Variants in MYO1D observed in about 807,000 individuals in gnomAD.
The protein encoded by MYO1D is myosin ID.
MYO1D carries 83 observed loss-of-function variants against 122.0 expected under a neutral mutation model. The ratio of observed to expected loss-of-function variants is 0.68; its 90% confidence interval spans 0.57 to 0.82. MYO1D has a LOEUF of 0.82. Ranked by LOEUF, MYO1D falls within the 40% of genes least tolerant of loss-of-function variation. MYO1D has a pLI of 0.00. For missense variants in MYO1D, 1,157 were observed against 1,269.5 expected (o/e 0.91, Z 1.35); for synonymous variants, 464 against 446.9 (o/e 1.04, Z -0.48).
intron 16 of MYO1D, among the ~76,000 whole-genome samples, chr17:32,692,259 A>G (rs2089113048): frequency 6.6e-6 from 1 of 152,240 alleles, no homozygotes; most frequent in Non-Finnish European, 1.5e-5. Context: ...AAAGAATATG[A>G]GCAATTTTTG....
intron 20 of MYO1D, among the ~76,000 whole-genome samples, chr17:32,616,422 C>T (rs894186406): frequency 1.3e-5 from 2 of 152,012 alleles, no homozygotes; most frequent in Non-Finnish European, 2.9e-5. Flanking sequence ...AGTCCTCTGC[C>T]TCAGCCTCCC....
intron 1 of MYO1D, among the ~76,000 whole-genome samples, chr17:32,870,740 A>G (rs2091171760): frequency 1.3e-5 from 2 of 151,940 alleles, no homozygotes; most frequent in South Asian, 4.1e-4. Context: ...CAGAAAACGC[A>G]AAAGGATTAA....
intron 16 of MYO1D, 67 bp downstream of exon 16, chr17:32,711,921 A>G: frequency 2.3e-6 from 3 of 1,300,390 alleles, no homozygotes; most frequent in Non-Finnish European, 3.2e-6. Flanking sequence ...AATTAAAGAA[A>G]ATATGCAACA....
intron 21 of MYO1D, among the ~76,000 whole-genome samples, chr17:32,543,255 A>G (rs920453880): frequency 2.0e-5 from 3 of 148,194 alleles, no homozygotes; most frequent in Non-Finnish European, 4.4e-5. Flanking sequence ...AACAAATTAC[A>G]TATCTGATTA....
At chr17:32,508,808 G>T (rs1239777446) in intron 21 of MYO1D, among the ~76,000 whole-genome samples, 1 of 152,192 alleles carries the variant, frequency 6.6e-6, no homozygotes, top group African/African-American at 2.4e-5. Flanking sequence ...CATAGTCCAA[G>T]TCTTAACCTC....
intron 21 of MYO1D, among the ~76,000 whole-genome samples, chr17:32,600,671 G>C (rs981730759): frequency 6.6e-6 from 1 of 151,994 alleles, no homozygotes. Flanking sequence ...ATTTAAGAGA[G>C]TTTAGGGCCT....
intron 16 of MYO1D, among the ~76,000 whole-genome samples, chr17:32,681,185 C>T (rs28765242): frequency 6.6e-6 from 1 of 151,234 alleles, no homozygotes; most frequent in African/African-American, 2.4e-5. Context: ...AATTTTGTTG[C>T]TCTTTTCAAA....
chr17:32,866,465 C>A (rs531663678), intron 1 of MYO1D, among the ~76,000 whole-genome samples: 2 of 152,294 alleles, frequency 1.3e-5, no homozygotes, highest in African/African-American at 4.8e-5. Context: ...AGTTCTCTAT[C>A]CCAGGTCTGC....
At chr17:32,669,929 A>G (rs568994730) in intron 16 of MYO1D, among the ~76,000 whole-genome samples, 79 of 149,690 alleles carry the variant, frequency 5.3e-4, no homozygotes, top group Non-Finnish European at 8.3e-4. Context: ...GTCTCACTCT[A>G]TCACCCAGGC....
intron 16 of MYO1D, among the ~76,000 whole-genome samples, chr17:32,695,623 G>A (rs2089162045): frequency 6.6e-6 from 1 of 152,182 alleles, no homozygotes; most frequent in African/African-American, 2.4e-5. Flanking sequence ...CTACAACAAT[G>A]TAACAAATAC....
chr17:32,555,911 T>C (rs1233136007), intron 21 of MYO1D, among the ~76,000 whole-genome samples: 2 of 152,252 alleles, frequency 1.3e-5, no homozygotes, highest in Non-Finnish European at 2.9e-5. Context: ...GAGCCTGAGC[T>C]GAAGTGTCAC....
chr17:32,807,502 A>G (rs1162018165), intron 1 of MYO1D, among the ~76,000 whole-genome samples: 1 of 152,240 alleles, frequency 6.6e-6, no homozygotes, highest in Non-Finnish European at 1.5e-5. Context: ...TGTCTTAAAT[A>G]CTAAAGGTAA....
rs200422700 is a variant in MYO1D, at chr17:32,573,082, G to C, written c.2864+32005C>G. 5.9e-3 allele frequency among the ~76,000 whole-genome samples: 330 copies of C among 55,946 alleles called. 3 individuals carry two copies. The highest frequency in any genetic ancestry group is 0.013 in the Admixed American group (62 of 4,754). The allele number at this position is 55,946 out of a possible 152,430, so 36.7% of individuals were successfully genotyped here. A position where few individuals can be genotyped will look rare whatever the true frequency, so the allele number is the denominator to read the frequency against. The stretch of plus-strand genomic sequence containing the variant: ...ACATACAAGGCATTGAAAAAATACT[G>C]ACTATTATCAACTCGGTGTTCTGTA... On this transcript the variant is annotated intron_variant, in intron 21 of 21. Transcript: ENST00000318217.
chr17:32,796,537 T>G (rs1462075532), intron 1 of MYO1D, among the ~76,000 whole-genome samples: 1 of 152,148 alleles, frequency 6.6e-6, no homozygotes, highest in Non-Finnish European at 1.5e-5. Context: ...CTCAGCTTCC[T>G]GAGTAGCTGG....
At chr17:32,873,070 T>C (rs2091196735) in intron 1 of MYO1D, among the ~76,000 whole-genome samples, 1 of 152,150 alleles carries the variant, frequency 6.6e-6, no homozygotes, top group African/African-American at 2.4e-5. Flanking sequence ...AATCAAGCTT[T>C]AGCTCCAAGA....
At chr17:32,545,768 T>A (rs1213193290) in intron 21 of MYO1D, among the ~76,000 whole-genome samples, 1 of 149,296 alleles carries the variant, frequency 6.7e-6, no homozygotes, top group African/African-American at 2.6e-5. Context: ...AGTATCCAGG[T>A]GATTTTTTTT....
At chr17:32,615,094 C>T (rs2087754758) in intron 20 of MYO1D, among the ~76,000 whole-genome samples, 1 of 152,186 alleles carries the variant, frequency 6.6e-6, no homozygotes, top group Admixed American at 6.5e-5. Flanking sequence ...TTTCATTCCA[C>T]TAAGTCTGGG....
In MYO1D at chr17:32,856,905, G is replaced by A. The variant is rs946474546; in HGVS notation, c.95+19873C>T. Reference sequence around the variant, plus strand: ...TCCTCCTTTTTCCAATATTCTTCTCGATATTCTACACATACAGTCATCCCC... The same window carrying A: ...TCCTCCTTTTTCCAATATTCTTCTCAATATTCTACACATACAGTCATCCCC... On this transcript the variant is annotated intron_variant, in intron 1 of 21. Coordinates refer to ENST00000318217, the MANE Select transcript of MYO1D (RefSeq NM_015194.3). Among the ~76,000 whole-genome samples, 9 of 152,000 alleles carry A rather than the reference G, an allele frequency of 5.9e-5. No homozygotes were observed. In the South Asian group the frequency reaches 1.0e-3, roughly 18 times the overall value.
chr17:32,601,206 G>A (rs1459512252), intron 21 of MYO1D, among the ~76,000 whole-genome samples: 2 of 151,940 alleles, frequency 1.3e-5, no homozygotes, highest in Non-Finnish European at 2.9e-5. Context: ...AAAGTGCTGG[G>A]GTCGCAGGAA....
Sources: gnomAD v4.1 joint callset for allele counts (sites outside exome capture counted in the v4.1 genomes callset) on GRCh38, gnomAD v4.1.1 for gene constraint, MANE v1.5 for transcripts, NCBI Gene and HGNC (gene_info 2026-07-23, HGNC 2026-07-21) for gene names.